The following TNFRSF10B variants were observed in gnomAD, a reference collection of about 807,000 sequenced individuals.
TNFRSF10B encodes TNF receptor superfamily member 10b.
Under a neutral mutation model 41.4 loss-of-function variants are expected in TNFRSF10B, and 35 were observed. The observed-to-expected ratio is 0.85, with a 90% CI of 0.65 to 1.12. TNFRSF10B has a LOEUF of 1.12. Ranked by LOEUF, TNFRSF10B falls within the 50% of genes most tolerant of loss-of-function variation. TNFRSF10B has a pLI of 0.00. For synonymous variants in TNFRSF10B, 230 were observed against 215.5 expected (o/e 1.07, Z -0.59); for missense variants, 584 against 552.7 (o/e 1.06, Z -0.57).
rs80214153 is a variant in TNFRSF10B at position 23,022,660 on chromosome 8, G to A, written c.*11C>T. The A allele has an allele frequency of 2.7e-3, 4,353 of 1,614,006 alleles. 102 individuals are homozygous for A. The African/African-American group carries it at 0.053, about 19-fold the overall frequency. The stretch of plus-strand genomic sequence containing the variant: ...ACCAGGGAAGGTCTGACTTCCTGAA[G>A]AGAATCACACTTAGGACATGGCAGA... On this transcript the variant is annotated 3_prime_UTR_variant, in exon 9 of 9. Transcript: ENST00000276431.
At chr8:23,042,272 C>T (rs528421619) in intron 2 of TNFRSF10B, among the ~76,000 whole-genome samples, 3 of 152,372 alleles carry the variant, frequency 2.0e-5, no homozygotes, top group Admixed American at 6.5e-5. Flanking sequence ...GGTTTGCCCT[C>T]AGGCAAGCCT....
At chr8:23,027,575 C>A in intron 6 of TNFRSF10B, 147 bp downstream of exon 6, 3 of 1,090,886 alleles carry the variant, frequency 2.8e-6, no homozygotes, top group Non-Finnish European at 4.0e-6. Context: ...GGCCATGTGT[C>A]CCCCACAGTC....
chr8:23,058,731 C>T (rs765785154), intron 1 of TNFRSF10B, among the ~76,000 whole-genome samples: 3 of 152,102 alleles, frequency 2.0e-5, no homozygotes, highest in African/African-American at 4.8e-5. Context: ...GTGATCTGCT[C>T]GCTTCACCCT....
At chr8:23,068,707 C>T in intron 1 of TNFRSF10B, 44 bp downstream of exon 1, 3 of 1,546,456 alleles carry the variant, frequency 1.9e-6, no homozygotes, top group Non-Finnish European at 2.6e-6. Flanking sequence ...TCTCCAGGCG[C>T]CAGGCACGCT....
intron 7 of TNFRSF10B, among the ~76,000 whole-genome samples, chr8:23,026,336 TGTAGCAAAGGAG>T (rs1811701159): frequency 6.6e-6 from 1 of 151,926 alleles, no homozygotes; most frequent in South Asian, 2.1e-4. Context: ...ACATTTGACA[TGTAGCAAAGGAG>T]GTGGCAAAAG....
In TNFRSF10B at chr8:23,022,960, A is replaced by G; in HGVS notation, c.1034T>C (p.Phe345Ser). The change falls in exon 9 of 9, where the codon TTT becomes TCT. Residue 345 changes from phenylalanine to serine, a missense_variant. By Grantham distance (155) the Phe-to-Ser change is radical. Transcript: ENST00000276431. The part of the protein sequence containing the change: ...TETLRQCFDD[F>S]ADLVPFDSWE... Reference sequence around the variant, plus strand: ...GGAGTCAAAGGGCACCAAGTCTGCAAAGTCATCGAAGCACTGTCTCAGAGC... The same window carrying G: ...GGAGTCAAAGGGCACCAAGTCTGCAGAGTCATCGAAGCACTGTCTCAGAGC... 1 of 1,613,108 alleles carries G rather than the reference A, an allele frequency of 6.2e-7. No homozygotes were observed. The highest frequency in any genetic ancestry group is 8.5e-7 in the Non-Finnish European group (1 of 1,179,978).
chr8:23,058,169 C>T (rs928746796), intron 1 of TNFRSF10B, among the ~76,000 whole-genome samples: 5 of 152,212 alleles, frequency 3.3e-5, no homozygotes, highest in Non-Finnish European at 7.4e-5. Flanking sequence ...ATCGCTTGAA[C>T]CCAGGAGGAG....
intron 6 of TNFRSF10B, 51 bp downstream of exon 6, chr8:23,027,671 G>A: frequency 1.9e-6 from 3 of 1,613,294 alleles, no homozygotes; most frequent in Middle Eastern, 1.7e-4. Context: ...GCTGTCCCAG[G>A]AAGCAGTTCC....
At chr8:23,030,660 G>T (rs2128812425) in intron 3 of TNFRSF10B, 99 bp downstream of exon 3, 1 of 870,612 alleles carries the variant, frequency 1.1e-6, no homozygotes. Context: ...GAAGACCAAG[G>T]TGGACCAGAA....
chr8:23,065,624 TA>T (rs1263536453), intron 1 of TNFRSF10B, among the ~76,000 whole-genome samples: 2 of 152,158 alleles, frequency 1.3e-5, no homozygotes, highest in Non-Finnish European at 2.9e-5. Context: ...AGTAGTTAAC[TA>T]AATGAGCCCC....
intron 2 of TNFRSF10B, among the ~76,000 whole-genome samples, chr8:23,040,127 G>C (rs1004832559): frequency 1.3e-5 from 2 of 151,184 alleles, no homozygotes; most frequent in African/African-American, 4.9e-5. Context: ...GCTGCAGTGA[G>C]CTGAGATCGC....
At chr8:23,043,830 T>C (rs1482688218) in intron 1 of TNFRSF10B, among the ~76,000 whole-genome samples, 1 of 152,262 alleles carries the variant, frequency 6.6e-6, no homozygotes, top group East Asian at 1.9e-4. Context: ...CATTAGGCAA[T>C]TGTGTTGTGT....
chr8:23,063,097 C>T (rs1468190908), intron 1 of TNFRSF10B, among the ~76,000 whole-genome samples: 1 of 152,120 alleles, frequency 6.6e-6, no homozygotes, highest in Admixed American at 6.5e-5. Flanking sequence ...GCCTGTAATC[C>T]CAGCACTTTG....
intron 1 of TNFRSF10B, among the ~76,000 whole-genome samples, chr8:23,047,487 C>G (rs189380794): frequency 4.9e-4 from 74 of 151,188 alleles, no homozygotes; most frequent in African/African-American, 1.6e-3. Context: ...ATATAAGGAA[C>G]TCAAATAATT....
In TNFRSF10B at chr8:23,032,735, A is replaced by T. The variant is rs138070570; in HGVS notation, c.251-1863T>A. ...TAAAAGTTTTGCAGTAGCAAAGAAC[A>T]ATCCAAAAAGGAAATTAAGAAAACA... On this transcript the variant is annotated intron_variant, in intron 2 of 8. Transcript: ENST00000276431. Among the ~76,000 whole-genome samples, 4 of 152,280 alleles carry T rather than the reference A, an allele frequency of 2.6e-5. No individual in the cohort carries two copies. In the South Asian group the frequency reaches 8.3e-4, roughly 31 times the overall value.
intron 3 of TNFRSF10B, among the ~76,000 whole-genome samples, 175 bp from the exon 4 acceptor site, chr8:23,029,896 C>T (rs548380272): frequency 1.3e-5 from 2 of 152,304 alleles, no homozygotes; most frequent in East Asian, 3.9e-4. Context: ...CTTCAGCTGT[C>T]ACTAACACTC....
rs1282266713 is a variant in TNFRSF10B, at chr8:23,021,565, C to T, written c.*1106G>A. ...ACCCTATTGTTATGTGTGATCTAAC[C>T]CATCTGCCTCTGTCCCAGCCTGTCC... On this transcript the variant is annotated 3_prime_UTR_variant, in exon 9 of 9. Coordinates refer to ENST00000276431, the MANE Select transcript of TNFRSF10B (RefSeq NM_003842.5). The T allele has an allele frequency of 2.2e-6, 1 of 454,124 alleles. No homozygotes were observed. Among genetic ancestry groups the T allele is most frequent in the Non-Finnish European group, 4.4e-6 (1 of 226,798 alleles). The allele number at this position is 454,124 out of a possible 1,614,324, so 28.1% of individuals were successfully genotyped here.
chr8:23,056,956 A>G (rs1812686663), intron 1 of TNFRSF10B, among the ~76,000 whole-genome samples: 1 of 152,066 alleles, frequency 6.6e-6, no homozygotes, highest in Admixed American at 6.5e-5. Flanking sequence ...CATCTTCACT[A>G]GAAGAGAATG....
Position 23,020,561 on chromosome 8 carries a change from G to A in TNFRSF10B, c.*2110C>T, listed in dbSNP as rs577756718. On this transcript the variant is annotated 3_prime_UTR_variant, in exon 9 of 9. Coordinates refer to ENST00000276431, the MANE Select transcript of TNFRSF10B (RefSeq NM_003842.5). ...ACAAAAATTAGCCAGGCGTGGTGGCGGGTGCCTGCAATCCCAGCTACTCCG... is the reference window on the plus strand; with the variant it reads ...ACAAAAATTAGCCAGGCGTGGTGGCAGGTGCCTGCAATCCCAGCTACTCCG... The A allele has an allele frequency of 9.0e-5, 40 of 445,726 alleles. 1 individual carries two copies. Among genetic ancestry groups the A allele is most frequent in the Admixed American group, 5.0e-4 (21 of 41,810 alleles). 27.6% of individuals were successfully genotyped at this position (445,726 alleles called of 1,614,324 possible). A position where few individuals can be genotyped will look rare whatever the true frequency, so the allele number is the denominator to read the frequency against.
Sources: allele counts gnomAD v4.1 joint callset (sites outside exome capture counted in the v4.1 genomes callset), GRCh38; gene constraint gnomAD v4.1.1; transcripts MANE v1.5; gene names NCBI Gene and HGNC (gene_info 2026-07-23, HGNC 2026-07-21).